ANK3: variants seen among roughly 807,000 people sequenced by gnomAD.
ANK3 encodes the protein ankyrin-3.
Under a neutral mutation model 370.9 loss-of-function variants are expected in ANK3, and 57 were observed. That is an observed-to-expected ratio of 0.15 (90% CI 0.12 to 0.19). The LOEUF is 0.19. ANK3 is among the 10% of genes least tolerant of loss of function. The pLI is 1.00. For missense variants in ANK3, 4,439 were observed against 5,302.1 expected, an observed-to-expected ratio of 0.84 and a Z score of 5.06; for synonymous variants, 1,929 against 1,946.3, an observed-to-expected ratio of 0.99 and a Z score of 0.23.
intron 16 of ANK3, among the ~76,000 whole-genome samples, chr10:60,191,829 C>A (rs969907086): frequency 2.6e-5 from 4 of 152,112 alleles, no homozygotes; most frequent in African/African-American, 9.7e-5. Flanking sequence ...ATAGCAAAGT[C>A]CTGTAAAATC....
At chr10:60,104,157 A>G (rs2132078723) in intron 28 of ANK3, among the ~76,000 whole-genome samples, 1 of 151,968 alleles carries the variant, frequency 6.6e-6, no homozygotes, top group African/African-American at 2.4e-5. Flanking sequence ...TGAAAGAATA[A>G]TTTGTATAAT....
intron 2 of ANK3, among the ~76,000 whole-genome samples, chr10:60,597,598 C>T (rs542078355): frequency 1.3e-5 from 2 of 152,156 alleles, no homozygotes; most frequent in African/African-American, 4.8e-5. Flanking sequence ...TTCTTGTCAT[C>T]TCCCTTTGCT....
chr10:60,423,096 C>A (rs2063810804), intron 2 of ANK3, among the ~76,000 whole-genome samples: 2 of 151,970 alleles, frequency 1.3e-5, no homozygotes, highest in Admixed American at 1.3e-4. Context: ...CAAAACACCT[C>A]CAGATAATTT....
intron 23 of ANK3, among the ~76,000 whole-genome samples, chr10:60,158,677 C>CTTTTTTTATTT (rs1555028623): frequency 4.1e-5 from 2 of 49,302 alleles, no homozygotes; most frequent in Non-Finnish European, 3.5e-5. Context: ...AGAGAAAGCA[C>CTTTTTTTATTT]TTTTTTTCTT....
chr10:60,496,006 A>T (rs1017899787), intron 2 of ANK3, among the ~76,000 whole-genome samples: 4 of 151,766 alleles, frequency 2.6e-5, no homozygotes, highest in Non-Finnish European at 4.4e-5. Context: ...CTTGTTTCCA[A>T]TGTCAAGAAT....
At chr10:60,395,290 AAAT>A (rs1178347961) in intron 2 of ANK3, among the ~76,000 whole-genome samples, 1 of 152,026 alleles carries the variant, frequency 6.6e-6, no homozygotes, top group African/African-American at 2.4e-5. Flanking sequence ...ATTCATGTTG[AAAT>A]AATATTTGGG....
chr10:60,220,013 CT>C (rs2132481486), intron 8 of ANK3, among the ~76,000 whole-genome samples: 1 of 152,148 alleles, frequency 6.6e-6, no homozygotes, highest in African/African-American at 2.4e-5. Context: ...GTAAAGCAGC[CT>C]TTCAAGTGAA....
At chr10:60,612,668 T>C (rs2078216816) in intron 2 of ANK3, among the ~76,000 whole-genome samples, 1 of 152,144 alleles carries the variant, frequency 6.6e-6, no homozygotes, top group South Asian at 2.1e-4. Flanking sequence ...ATTTTTTGTA[T>C]TTTTAGTAGA....
intron 36 of ANK3, 118 bp from the exon 37 acceptor site, chr10:60,076,566 C>T (rs2083874855): frequency 2.3e-6 from 3 of 1,309,166 alleles, no homozygotes; most frequent in Non-Finnish European, 3.0e-6. Context: ...AAAGCAAGTA[C>T]AATTGTTTGC....
intron 2 of ANK3, among the ~76,000 whole-genome samples, chr10:60,420,231 C>G (rs1290737052): frequency 6.6e-6 from 1 of 151,988 alleles, no homozygotes. Flanking sequence ...TATTTTATCA[C>G]CCAATTTATT....
intron 1 of ANK3, among the ~76,000 whole-genome samples, chr10:60,299,352 G>A (rs1377732729): frequency 6.6e-6 from 1 of 152,164 alleles, no homozygotes; most frequent in Non-Finnish European, 1.5e-5. Flanking sequence ...TTGTAACACT[G>A]TGAAATGACA....
At chr10:60,120,396 T>C (rs895376686) in intron 25 of ANK3, among the ~76,000 whole-genome samples, 6 of 151,898 alleles carry the variant, frequency 4.0e-5, no homozygotes, top group Admixed American at 1.3e-4. Flanking sequence ...CTCCGGGACA[T>C]TGAACTGTGC....
rs202011120 is a variant in ANK3 at position 60,194,045 on chromosome 10, C to A, written c.1887+2100G>T. ...CTGAGGCAGGAGAATCGCTTGAACC[C>A]AGGAGGCAGAGGTTGCAGTGAGCCA... is the stretch of plus-strand genomic sequence containing the variant. On this transcript the variant is annotated intron_variant, in intron 16 of 43. Transcript: ENST00000280772. Among the ~76,000 whole-genome samples the A allele has an allele frequency of 2.6e-4, 39 of 151,284 alleles. No homozygotes were observed. The East Asian group carries it at 6.5e-3, about 25-fold the overall frequency.
intron 1 of ANK3, among the ~76,000 whole-genome samples, chr10:60,382,771 C>T (rs1011128805): frequency 9.2e-5 from 13 of 141,822 alleles, no homozygotes; most frequent in Admixed American, 8.7e-4. Flanking sequence ...AGATATTCTC[C>T]TTCGATATTT....
At chr10:60,479,870 T>C (rs1171796236) in intron 2 of ANK3, among the ~76,000 whole-genome samples, 2 of 152,206 alleles carry the variant, frequency 1.3e-5, no homozygotes, top group Admixed American at 1.3e-4. Flanking sequence ...TTAACTTGTT[T>C]TCAACATGTT....
chr10:60,536,185 C>T (rs1021651949), intron 2 of ANK3, among the ~76,000 whole-genome samples: 1 of 151,986 alleles, frequency 6.6e-6, no homozygotes, highest in African/African-American at 2.4e-5. Flanking sequence ...TTATCAAACC[C>T]ATTATAAAAT....
chr10:60,172,238 T>G, intron 21 of ANK3, 70 bp downstream of exon 21: 1 of 1,234,288 alleles, frequency 8.1e-7, no homozygotes, highest in Non-Finnish European at 1.2e-6. Flanking sequence ...AATATTCATC[T>G]CAGAAAAACC....
At chr10:60,101,279 G>T (rs550367305) in intron 28 of ANK3, among the ~76,000 whole-genome samples, 1 of 152,270 alleles carries the variant, frequency 6.6e-6, no homozygotes, top group Non-Finnish European at 1.5e-5. Context: ...GGCAGGACTA[G>T]AACATTTCTG....
At chr10:60,360,908 G>A (rs1322398543) in intron 1 of ANK3, among the ~76,000 whole-genome samples, 1 of 151,976 alleles carries the variant, frequency 6.6e-6, no homozygotes, top group Non-Finnish European at 1.5e-5. Context: ...GAAAGAAAAA[G>A]GAAGATTTAC....
Sources: allele counts gnomAD v4.1 joint callset (sites outside exome capture counted in the v4.1 genomes callset), GRCh38; gene constraint gnomAD v4.1.1; transcripts MANE v1.5; gene names NCBI Gene and HGNC (gene_info 2026-07-23, HGNC 2026-07-21).